Variants in IL1RAP observed in about 807,000 individuals in gnomAD.
IL1RAP encodes interleukin-1 receptor accessory protein.
IL1RAP carries 35 observed loss-of-function variants against 60.7 expected under a neutral mutation model. The ratio of observed to expected loss-of-function variants is 0.58; its 90% CI spans 0.44 to 0.76. IL1RAP has a LOEUF of 0.76. Ranked by LOEUF, IL1RAP falls within the 30% of genes least tolerant of loss-of-function variation. The pLI is 0.00. For missense variants in IL1RAP, 572 were observed against 693.9 expected (o/e 0.82, Z 1.97); for synonymous variants, 268 against 250.9 (o/e 1.07, Z -0.64).
At chr3:190,627,527 G>T in intron 8 of IL1RAP, 78 bp downstream of exon 8, 1 of 1,448,756 alleles carries the variant, frequency 6.9e-7, no homozygotes. Context: ...TCTAGTCAAT[G>T]AAAATAAAAA....
In IL1RAP at chr3:190,629,486, G is replaced by A. The variant is rs780432173; in HGVS notation, c.1039G>A (p.Val347Met). Residue 347 changes from valine to methionine, a missense_variant, in exon 9 of 12, where the codon GTG becomes ATG. Transcript: ENST00000447382. ...AGGCGAAGTTGCCAAAGCAGCCAAG[G>A]TGAAGCAGAAAGGTAATAGATGCGG... is the stretch of plus-strand genomic sequence containing the variant. The part of the protein sequence containing the change: ...AKGEVAKAAK[V>M]KQKVPAPRYT... 4 of 1,612,054 alleles carry A rather than the reference G, an allele frequency of 2.5e-6. No homozygotes were observed.
chr3:190,586,675 C>A (rs1455541033), intron 3 of IL1RAP, among the ~76,000 whole-genome samples: 1 of 152,222 alleles, frequency 6.6e-6, no homozygotes, highest in Non-Finnish European at 1.5e-5. Context: ...GGAGCTGAGT[C>A]ATGCCTGACT....
chr3:190,554,026 A>AG (rs1725155387), intron 1 of IL1RAP, among the ~76,000 whole-genome samples: 2 of 134,656 alleles, frequency 1.5e-5, no homozygotes, highest in African/African-American at 5.7e-5. Context: ...CCGCCACTGC[A>AG]CTCCAGCCTG....
At chr3:190,554,841 C>G (rs1037407075) in intron 1 of IL1RAP, 1 of 151,510 alleles carries the variant, frequency 6.6e-6, no homozygotes, top group Non-Finnish European at 1.5e-5. Flanking sequence ...TATTGCACAA[C>G]TTCTATTAAA....
At chr3:190,638,380 C>T (rs1307914728) in intron 9 of IL1RAP, among the ~76,000 whole-genome samples, 1 of 152,108 alleles carries the variant, frequency 6.6e-6, no homozygotes, top group Admixed American at 6.6e-5. Flanking sequence ...TGAGCACTTA[C>T]ACCTCATGTG....
At chr3:190,602,334 C>T (rs1729933230) in intron 3 of IL1RAP, among the ~76,000 whole-genome samples, 1 of 151,962 alleles carries the variant, frequency 6.6e-6, no homozygotes, top group Admixed American at 6.6e-5. Flanking sequence ...CAAAAATAGC[C>T]CTTCTATATT....
exon 12 of IL1RAP, chr3:190,657,467 A>G (rs544705382): frequency 6.6e-6 from 1 of 152,234 alleles, no homozygotes; most frequent in Non-Finnish European, 1.5e-5. Context: ...TCCGTATTGT[A>G]AGTGATGTAG....
At position 190,648,562 on chromosome 3, in the gene IL1RAP, A is replaced by G. The variant is rs762502703; in HGVS notation, c.1570A>G (p.Ile524Val). The change falls in exon 12 of 12, where the codon ATT (isoleucine) becomes GTT (valine). Residue 524 changes from isoleucine (I) to valine (V), a missense_variant. By Grantham distance (29) the Ile-to-Val change is conservative. Coordinates refer to ENST00000447382, the MANE Select transcript of IL1RAP (RefSeq NM_002182.4). ...GAGGGCTAAGACGGTGCTCACGGTC[A>G]TTAAATGGAAAGGGGAAAAATCCAA... ...LKRAKTVLTV[I>V]KWKGEKSKYP... 2.5e-6 allele frequency: 4 copies of G among 1,614,100 alleles called. No homozygotes were observed. The highest frequency in any genetic ancestry group is 3.4e-6 in the Non-Finnish European group (4 of 1,180,054).
At chr3:190,632,516 G>T (rs930648259) in intron 9 of IL1RAP, among the ~76,000 whole-genome samples, 3 of 152,286 alleles carry the variant, frequency 2.0e-5, no homozygotes, top group Admixed American at 1.3e-4. Context: ...TAAAAGTCCT[G>T]TGTCAGATAT....
intron 9 of IL1RAP, among the ~76,000 whole-genome samples, chr3:190,640,479 A>G (rs1733575387): frequency 6.6e-6 from 1 of 152,202 alleles, no homozygotes; most frequent in African/African-American, 2.4e-5. Flanking sequence ...TAATTTTAAT[A>G]AAGCATTCCC....
At chr3:190,656,915 G>A (rs979388876) in exon 12 of IL1RAP, 4 of 226,676 alleles carry the variant, frequency 1.8e-5, no homozygotes, top group Non-Finnish European at 2.6e-5. Flanking sequence ...ATTTAAATGT[G>A]TTTCTTTTCA....
chr3:190,603,656 G>A (rs1428924533), intron 3 of IL1RAP, among the ~76,000 whole-genome samples: 1 of 152,178 alleles, frequency 6.6e-6, no homozygotes. Context: ...TAACTGAAAT[G>A]TCTAAAATCA....
intron 3 of IL1RAP, among the ~76,000 whole-genome samples, chr3:190,603,091 A>T (rs1729998890): frequency 1.3e-5 from 2 of 152,150 alleles, no homozygotes; most frequent in African/African-American, 4.8e-5. Flanking sequence ...AAATTATAGA[A>T]GCCATTACGC....
In IL1RAP at chr3:190,648,559, G is replaced by A. The variant is rs1217981832; in HGVS notation, c.1567G>A (p.Val523Ile). The A allele has an allele frequency of 3.7e-6, 6 of 1,614,104 alleles. No individual in the cohort carries two copies. The highest frequency in any genetic ancestry group is 5.1e-6 in the Non-Finnish European group (6 of 1,180,024). The stretch of plus-strand genomic sequence containing the variant: ...GAAGAGGGCTAAGACGGTGCTCACG[G>A]TCATTAAATGGAAAGGGGAAAAATC... ...ELKRAKTVLT[V>I]IKWKGEKSKY... The change falls in exon 12 of 12, where the codon GTC (valine) becomes ATC (isoleucine). Residue 523 changes from valine to isoleucine, a missense_variant. By Grantham distance (29) the Val-to-Ile change is conservative. Transcript: ENST00000447382.
At chr3:190,514,482 A>G (rs977418659) in intron 1 of IL1RAP, among the ~76,000 whole-genome samples, 1 of 151,492 alleles carries the variant, frequency 6.6e-6, no homozygotes, top group Non-Finnish European at 1.5e-5. Context: ...TGCCGCCCCC[A>G]TCCTCAGCCC....
At chr3:190,631,592 C>T (rs921225387) in intron 9 of IL1RAP, among the ~76,000 whole-genome samples, 2 of 152,118 alleles carry the variant, frequency 1.3e-5, no homozygotes, top group African/African-American at 4.8e-5. Flanking sequence ...AGTTCACATT[C>T]ATACATTACA....
intron 5 of IL1RAP, among the ~76,000 whole-genome samples, chr3:190,615,794 T>C (rs1731217085): frequency 6.6e-6 from 1 of 152,194 alleles, no homozygotes; most frequent in African/African-American, 2.4e-5. Flanking sequence ...CTAAGTGCTA[T>C]TAGGAAAGAA....
chr3:190,533,314 T>C (rs747568431), intron 1 of IL1RAP, among the ~76,000 whole-genome samples: 8 of 152,308 alleles, frequency 5.3e-5, no homozygotes, highest in African/African-American at 1.9e-4. Context: ...CCTAGACATC[T>C]AGTTGGCAAG....
In IL1RAP at chr3:190,608,093, A is replaced by T. The variant is rs78520781; in HGVS notation, c.351-902A>T. On this transcript the variant is annotated intron_variant, in intron 4 of 11. Coordinates refer to ENST00000447382, the MANE Select transcript of IL1RAP (RefSeq NM_002182.4). The stretch of plus-strand genomic sequence containing the variant: ...CACTGAGCATTATTGAGAATGTTTT[A>T]GGTGTTACATATATACACAGTTATA... Among the ~76,000 whole-genome samples, 210 of 152,344 alleles carry T rather than the reference A, an allele frequency of 1.4e-3. No homozygotes were observed. In the East Asian group the frequency reaches 0.036, roughly 26 times the overall value.
Sources: allele counts gnomAD v4.1 joint callset (sites outside exome capture counted in the v4.1 genomes callset), GRCh38; gene constraint gnomAD v4.1.1; transcripts MANE v1.5; gene names NCBI Gene and HGNC (gene_info 2026-07-23, HGNC 2026-07-21).